Variants in AGAP1 observed in about 807,000 individuals in gnomAD.
The protein encoded by AGAP1 is arf-GAP with GTPase, ANK repeat and PH domain-containing protein 1.
In AGAP1, 29 loss-of-function variants were observed where a neutral mutation model predicts 105.3. The ratio of observed to expected loss-of-function variants is 0.28; its 90% confidence interval spans 0.21 to 0.38. AGAP1 has a LOEUF of 0.38. AGAP1 is among the 10% of genes least tolerant of loss of function. The pLI is 1.00. For synonymous variants in AGAP1, 509 were observed against 485.9 expected (o/e 1.05, Z -0.63); for missense variants, 998 against 1,165.1 (o/e 0.86, Z 2.09).
intron 9 of AGAP1, among the ~76,000 whole-genome samples, chr2:235,821,810 T>A (rs1958804681): frequency 6.6e-6 from 1 of 152,236 alleles, no homozygotes; most frequent in Non-Finnish European, 1.5e-5. Flanking sequence ...CTTTATTTAT[T>A]TTGCCACTTC....
rs1318156699 is a variant in AGAP1 at position 235,842,203 on chromosome 2, A to G, written c.1050+34872A>G. On this transcript the variant is annotated intron_variant, in intron 9 of 17. Transcript: ENST00000304032. The surrounding 1 kb of genome is among the most constrained non-coding windows in gnomAD (Gnocchi z 5.3). The stretch of plus-strand genomic sequence containing the variant: ...CCGTGCTCTGGAGCAAGAGTTCTTC[A>G]CTGTGGTTCTGTAGATAGAATTCAG... Among the ~76,000 whole-genome samples, 3 of 152,252 alleles carry G rather than the reference A, an allele frequency of 2.0e-5. No individual in the cohort carries two copies. The highest frequency in any genetic ancestry group is 2.9e-5 in the Non-Finnish European group (2 of 68,014).
chr2:236,124,823 C>G lies in AGAP1; in HGVS notation c.*701C>G, dbSNP rs1189986825. On this transcript the variant is annotated 3_prime_UTR_variant, in exon 18 of 18. Coordinates refer to ENST00000304032, the MANE Select transcript of AGAP1 (RefSeq NM_001037131.3). This position sits in a 1 kb window ranked among gnomAD's most constrained non-coding sequence, Gnocchi z 5.1. ...ATTGCCACGATGTGATTGCAATACT[C>G]TTAGAAGCACCATATTATCCCAGAC... The G allele has an allele frequency of 6.5e-6, 1 of 153,580 alleles. No individual in the cohort carries two copies. The allele number at this position is 153,580 out of a possible 1,614,324, so 9.5% of individuals were successfully genotyped here. A position where few individuals can be genotyped will look rare whatever the true frequency, so the allele number is the denominator to read the frequency against.
chr2:235,809,340 T>A (rs1000135679), intron 9 of AGAP1, among the ~76,000 whole-genome samples: 4 of 152,172 alleles, frequency 2.6e-5, no homozygotes, highest in Non-Finnish European at 4.4e-5. Context: ...GGAATCTCGT[T>A]GAAATCTAAA....
rs1344497576 is a variant in AGAP1, at chr2:235,662,617, C to T, written c.164-46562C>T. Among the ~76,000 whole-genome samples the T allele has an allele frequency of 6.7e-6, 1 of 148,620 alleles. No homozygotes were observed. Among genetic ancestry groups the T allele is most frequent in the Admixed American group, 6.8e-5 (1 of 14,624 alleles). ...TGCCTCCTGGGTTCAAGCGATTTTT[C>T]TGCCTCAGCCTCCCAAGTAGCTGGG... On this transcript the variant is annotated intron_variant, in intron 1 of 17. Coordinates refer to ENST00000304032, the MANE Select transcript of AGAP1 (RefSeq NM_001037131.3). This position sits in a 1 kb window ranked among gnomAD's most constrained non-coding sequence, Gnocchi z 4.2.
At chr2:235,593,968 G>T (rs1021091331) in intron 1 of AGAP1, among the ~76,000 whole-genome samples, 1 of 152,000 alleles carries the variant, frequency 6.6e-6, no homozygotes, top group Non-Finnish European at 1.5e-5. Context: ...GCAAGACCCT[G>T]TCTCAAAAGG....
rs1029044832 is a variant in AGAP1 at position 235,608,245 on chromosome 2, T to C, written c.164-100934T>C. Among the ~76,000 whole-genome samples, 4 of 152,254 alleles carry C rather than the reference T, an allele frequency of 2.6e-5. No individual in the cohort carries two copies. Among genetic ancestry groups the C allele is most frequent in the Non-Finnish European group, 5.9e-5 (4 of 68,044 alleles). ...TCTTCATCTTGCAGGGAAAGTGTGT[T>C]GGCAAACATGCTGGATACTGTCAGA... On this transcript the variant is annotated intron_variant, in intron 1 of 17. Transcript: ENST00000304032. The surrounding 1 kb of genome is among the most constrained non-coding windows in gnomAD (Gnocchi z 5.4).
chr2:236,004,207 A>C (rs183536991), intron 13 of AGAP1, among the ~76,000 whole-genome samples: 56 of 152,222 alleles, frequency 3.7e-4, no homozygotes, highest in Admixed American at 9.2e-4. Flanking sequence ...ACCATTCCTG[A>C]GTTTAGACCT....
rs75255072 is a variant in AGAP1, at chr2:235,827,694, C to T, written c.1050+20363C>T. 1.8e-3 allele frequency among the ~76,000 whole-genome samples: 281 copies of T among 152,302 alleles called. 1 individual carries two copies. Among genetic ancestry groups the T allele is most frequent in the African/African-American group, 5.7e-3 (237 of 41,574 alleles). ...CTAAGAGTAACATCCACGGCTGAAT[C>T]GTCACCGGCATTGAACTACACTTCC... On this transcript the variant is annotated intron_variant, in intron 9 of 17. Coordinates refer to ENST00000304032, the MANE Select transcript of AGAP1 (RefSeq NM_001037131.3).
rs1198637764 is a variant in AGAP1 at position 235,716,232 on chromosome 2, C to T, written c.223-1325C>T. On this transcript the variant is annotated intron_variant, in intron 2 of 17. Coordinates refer to ENST00000304032, the MANE Select transcript of AGAP1 (RefSeq NM_001037131.3). This position sits in a 1 kb window ranked among gnomAD's most constrained non-coding sequence, Gnocchi z 4.0. ...CAGCTGGAGATGTGAGGATGGAGCC[C>T]TGGCGAGTCCCAGTATGTCCCTGCA... Among the ~76,000 whole-genome samples, 2 of 152,152 alleles carry T rather than the reference C, an allele frequency of 1.3e-5. No individual in the cohort carries two copies. Among genetic ancestry groups the T allele is most frequent in the East Asian group, 1.9e-4 (1 of 5,186 alleles).
rs35296424 is a variant in AGAP1, at chr2:235,672,049, C to CAA, written c.164-37120_164-37119dup. 6.2e-3 allele frequency among the ~76,000 whole-genome samples: 911 copies of CAA among 146,032 alleles called. 13 individuals are homozygous for CAA. Among genetic ancestry groups the CAA allele is most frequent in the African/African-American group, 0.022 (876 of 40,290 alleles). ...ACAAGAGGCCATGCATTTTTACCAC[C>CAA]AAAAAAAAAAATATTATTCATCCTC... On this transcript the variant is annotated intron_variant, in intron 1 of 17. Coordinates refer to ENST00000304032, the MANE Select transcript of AGAP1 (RefSeq NM_001037131.3).
chr2:236,056,808 G>T lies in AGAP1; in HGVS notation c.2114+7527G>T, dbSNP rs558429607. On this transcript the variant is annotated intron_variant, in intron 16 of 17. Coordinates refer to ENST00000304032, the MANE Select transcript of AGAP1 (RefSeq NM_001037131.3). This position sits in a 1 kb window ranked among gnomAD's most constrained non-coding sequence, Gnocchi z 4.6. ...ACGTGTGCCAGGGTCACATGGGAGCGCAGGTCAGACTGCAGGCACCAAGAT... is the reference window on the plus strand; with the variant it reads ...ACGTGTGCCAGGGTCACATGGGAGCTCAGGTCAGACTGCAGGCACCAAGAT... Among the ~76,000 whole-genome samples the T allele has an allele frequency of 6.6e-6, 1 of 152,118 alleles. No homozygotes were observed. The highest frequency in any genetic ancestry group is 2.4e-5 in the African/African-American group (1 of 41,418).
At chr2:235,548,205 A>G (rs1943689955) in intron 1 of AGAP1, among the ~76,000 whole-genome samples, 1 of 152,214 alleles carries the variant, frequency 6.6e-6, no homozygotes, top group African/African-American at 2.4e-5. Context: ...TTGGACTGGT[A>G]GTGACAGGGC....
In AGAP1 at chr2:236,005,530, C is replaced by T. The variant is rs1351243607; in HGVS notation, c.1646-31031C>T. Among the ~76,000 whole-genome samples the T allele has an allele frequency of 6.6e-6, 1 of 152,200 alleles. No homozygotes were observed. Among genetic ancestry groups the T allele is most frequent in the Non-Finnish European group, 1.5e-5 (1 of 68,034 alleles). On this transcript the variant is annotated intron_variant, in intron 13 of 17. Coordinates refer to ENST00000304032, the MANE Select transcript of AGAP1 (RefSeq NM_001037131.3). This position sits in a 1 kb window ranked among gnomAD's most constrained non-coding sequence, Gnocchi z 4.1. ...TGATATGTTTTTATTAAAGTCCACACTTTATTTGCATCTCTTTAGCTTTAA... is the reference window on the plus strand; with the variant it reads ...TGATATGTTTTTATTAAAGTCCACATTTTATTTGCATCTCTTTAGCTTTAA...
intron 1 of AGAP1, among the ~76,000 whole-genome samples, chr2:235,686,474 C>G (rs77091453): frequency 0.013 from 1,928 of 149,820 alleles, 39 homozygotes; most frequent in African/African-American, 0.044. Context: ...GTAGCCAAAC[C>G]TAGGTATGAG....
rs142196081 is a variant in AGAP1 at position 235,929,189 on chromosome 2, T to A, written c.1325-1576T>A. ...TGGTCTGCCGTGGTGGAGTTTTGAT[T>A]GTGATTTTTTGTTTTATGGTGGTGA... On this transcript the variant is annotated intron_variant, in intron 11 of 17. Coordinates refer to ENST00000304032, the MANE Select transcript of AGAP1 (RefSeq NM_001037131.3). Among the ~76,000 whole-genome samples the A allele has an allele frequency of 4.4e-3, 675 of 152,270 alleles. 9 individuals are homozygous for A. The highest frequency in any genetic ancestry group is 0.015 in the African/African-American group (616 of 41,544).
chr2:235,697,299 C>A (rs1422191934), intron 1 of AGAP1, among the ~76,000 whole-genome samples: 2 of 152,214 alleles, frequency 1.3e-5, no homozygotes, highest in East Asian at 3.9e-4. Context: ...GGATTTGAAC[C>A]AGCATTGCCG....
chr2:235,763,063 C>T (rs796214729), intron 6 of AGAP1, among the ~76,000 whole-genome samples: 7,629 of 103,284 alleles, frequency 0.074, 203 homozygotes, highest in Admixed American at 0.14. Flanking sequence ...TGTGTGCGCG[C>T]GCGCGCACAC....
At position 235,736,787 on chromosome 2, in the gene AGAP1, G is replaced by A. The variant is rs543211987; in HGVS notation, c.311-4176G>A. On this transcript the variant is annotated intron_variant, in intron 3 of 17. Coordinates refer to ENST00000304032, the MANE Select transcript of AGAP1 (RefSeq NM_001037131.3). This position sits in a 1 kb window ranked among gnomAD's most constrained non-coding sequence, Gnocchi z 5.5. ...GCCTAGGCAGTCGAGGCTGCAGTGA[G>A]TCATGTCCGTGCCACCGCACTCCAG... Among the ~76,000 whole-genome samples the A allele has an allele frequency of 2.7e-4, 41 of 152,298 alleles. No individual in the cohort carries two copies. The highest frequency in any genetic ancestry group is 9.9e-4 in the African/African-American group (41 of 41,558).
chr2:235,743,110 T>C (rs974791714), intron 4 of AGAP1, among the ~76,000 whole-genome samples: 1 of 152,198 alleles, frequency 6.6e-6, no homozygotes, highest in African/African-American at 2.4e-5. Context: ...GTGGTTGCAG[T>C]GAGCTGAGAT....
Sources: allele counts gnomAD v4.1 joint callset (sites outside exome capture counted in the v4.1 genomes callset), GRCh38; gene constraint gnomAD v4.1.1; non-coding constraint Gnocchi (gnomAD v3.1); transcripts MANE v1.5; gene names NCBI Gene and HGNC (gene_info 2026-07-23, HGNC 2026-07-21).